The following FOXN3 variants were observed in gnomAD, a reference collection of about 807,000 sequenced individuals.
FOXN3 encodes the protein forkhead box protein N3.
In FOXN3, 7 loss-of-function variants were observed where a neutral mutation model predicts 38.4. That is an observed-to-expected ratio of 0.18 (90% CI 0.10 to 0.34). The LOEUF is 0.34. Among genes scored for constraint, FOXN3 ranks in the 10% least tolerant of loss-of-function variants. The pLI is 1.00. For missense variants in FOXN3, 456 were observed against 613.4 expected (o/e 0.74, Z 2.71); for synonymous variants, 230 against 242.2 (o/e 0.95, Z 0.47).
rs993824559 is a variant in FOXN3, at chr14:89,291,780, G to A, written c.681-10766C>T. On this transcript the variant is annotated intron_variant, in intron 3 of 5. Coordinates refer to ENST00000557258, the MANE Select transcript of FOXN3 (RefSeq NM_005197.4). The stretch of plus-strand genomic sequence containing the variant: ...TGTTTGCGAACTGCGATTGACCTAC[G>A]GCCGGATTTCTTAACCTCAGCATTA... Among the ~76,000 whole-genome samples, 9 of 152,246 alleles carry A rather than the reference G, an allele frequency of 5.9e-5. No individual in the cohort carries two copies. In the South Asian group the frequency reaches 1.5e-3, roughly 25 times the overall value.
At chr14:89,285,022 C>T (rs1886578076) in intron 3 of FOXN3, among the ~76,000 whole-genome samples, 1 of 152,160 alleles carries the variant, frequency 6.6e-6, no homozygotes, top group African/African-American at 2.4e-5. Flanking sequence ...AGCAAGATGA[C>T]GTGATCCATC....
chr14:89,615,610 T>C (rs1486847811), intron 1 of FOXN3, among the ~76,000 whole-genome samples: 2 of 152,202 alleles, frequency 1.3e-5, no homozygotes, highest in African/African-American at 4.8e-5. Flanking sequence ...TTCATTTCCT[T>C]CAGTTTGTAA....
chr14:89,565,093 CAAAAAAAAAAAAA>C (rs59821937), intron 1 of FOXN3, among the ~76,000 whole-genome samples: 10 of 52,898 alleles, frequency 1.9e-4, no homozygotes, highest in Admixed American at 6.8e-4. Context: ...GAGCTCGTCT[CAAAAAAAAAAAAA>C]AAAAAAAAAA....
At chr14:89,456,022 G>C (rs536421181) in intron 1 of FOXN3, among the ~76,000 whole-genome samples, 3 of 151,804 alleles carry the variant, frequency 2.0e-5, no homozygotes, top group African/African-American at 7.3e-5. Flanking sequence ...AGTGAAACCC[G>C]TGTCTACTAA....
chr14:89,165,639 T>C (rs1887221742), intron 5 of FOXN3, among the ~76,000 whole-genome samples: 1 of 152,210 alleles, frequency 6.6e-6, no homozygotes, highest in South Asian at 2.1e-4. Context: ...TGCATAAAGA[T>C]GGCTGGGATA....
At chr14:89,517,354 T>TAAAAA (rs57430361) in intron 1 of FOXN3, among the ~76,000 whole-genome samples, 23 of 129,480 alleles carry the variant, frequency 1.8e-4, no homozygotes, top group African/African-American at 5.6e-4. Context: ...GACCCTGTCT[T>TAAAAA]AAAAAAAAAA....
intron 1 of FOXN3, among the ~76,000 whole-genome samples, chr14:89,524,404 G>GAAAAAAAAAAAA (rs1894391517): frequency 3.9e-5 from 1 of 25,600 alleles, no homozygotes; most frequent in African/African-American, 1.8e-4. Context: ...AAAAAAAAAA[G>GAAAAAAAAAAAA]AAAGAAAGAA....
chr14:89,383,672 T>TG (rs1395773929), intron 2 of FOXN3, among the ~76,000 whole-genome samples: 10 of 151,696 alleles, frequency 6.6e-5, no homozygotes, highest in African/African-American at 2.4e-4. Context: ...ATCTGTTTCC[T>TG]TTCCTCTCCT....
At chr14:89,594,113 G>C (rs1236548917) in intron 1 of FOXN3, among the ~76,000 whole-genome samples, 1 of 152,190 alleles carries the variant, frequency 6.6e-6, no homozygotes, top group Non-Finnish European at 1.5e-5. Context: ...TTATACTCTT[G>C]ATGGACACTG....
intron 1 of FOXN3, among the ~76,000 whole-genome samples, chr14:89,445,813 G>A (rs1892480255): frequency 6.6e-6 from 1 of 152,028 alleles, no homozygotes; most frequent in African/African-American, 2.4e-5. Context: ...GAGCATGGTG[G>A]CTCACACCTA....
chr14:89,473,673 G>A (rs116759280), intron 1 of FOXN3, among the ~76,000 whole-genome samples: 2,944 of 152,198 alleles, frequency 0.019, 84 homozygotes, highest in African/African-American at 0.067. Flanking sequence ...TGGCCTCCAC[G>A]ACACTCTTGA....
chr14:89,162,625 C>T lies in FOXN3; in HGVS notation c.1196G>A (p.Arg399His), dbSNP rs375056131. 26 of 1,613,682 alleles carry T rather than the reference C, an allele frequency of 1.6e-5. No homozygotes were observed. Among genetic ancestry groups the T allele is most frequent in the African/African-American group, 2.7e-5 (2 of 74,786 alleles). ...DSGYASQHKK[R>H]QHFAKARKVP... Reference sequence around the variant, plus strand: ...CTTCCTGGCCTTGGCGAAGTGCTGGCGCTTCTTGTGCTGGGATGCGTACCC... The same window carrying T: ...CTTCCTGGCCTTGGCGAAGTGCTGGTGCTTCTTGTGCTGGGATGCGTACCC... Residue 399 changes from arginine to histidine, a missense_variant, in exon 6 of 6, where the codon CGC becomes CAC. Physicochemically the swap from Arg to His is conservative, Grantham distance 29. Around this residue, in one of 3 missense-constraint regions of FOXN3, gnomAD observed 386 missense variants for 505.2 expected, o/e 0.76. Coordinates refer to ENST00000557258, the MANE Select transcript of FOXN3 (RefSeq NM_005197.4). The surrounding 1 kb of genome is among the most constrained non-coding windows in gnomAD (Gnocchi z 7.2).
chr14:89,530,901 G>A (rs556552719), intron 1 of FOXN3, among the ~76,000 whole-genome samples: 16 of 148,374 alleles, frequency 1.1e-4, no homozygotes, highest in East Asian at 9.8e-4. Context: ...GAGCCACCAC[G>A]CCCGGCCTCT....
At chr14:89,573,609 AC>A (rs1895539009) in intron 1 of FOXN3, among the ~76,000 whole-genome samples, 1 of 152,176 alleles carries the variant, frequency 6.6e-6, no homozygotes, top group Non-Finnish European at 1.5e-5. Flanking sequence ...TGGGAGTCCA[AC>A]AGCAGTTTCT....
chr14:89,202,926 C>A (rs1232752502), intron 4 of FOXN3, among the ~76,000 whole-genome samples: 2 of 151,984 alleles, frequency 1.3e-5, no homozygotes, highest in African/African-American at 4.8e-5. Context: ...AACTTTGGAG[C>A]CTAAATCTCT....
intron 2 of FOXN3, among the ~76,000 whole-genome samples, chr14:89,363,512 AT>A (rs1471700565): frequency 3.6e-4 from 2 of 5,576 alleles, no homozygotes; most frequent in African/African-American, 9.9e-4. Context: ...GTGTTACTGG[AT>A]GGACAAACCA....
intron 1 of FOXN3, among the ~76,000 whole-genome samples, chr14:89,546,142 G>A (rs1156617181): frequency 1.3e-5 from 2 of 152,106 alleles, no homozygotes; most frequent in Non-Finnish European, 2.9e-5. Context: ...GATGTAGAAA[G>A]AAGAACCTAT....
chr14:89,509,506 T>A (rs2139803905), intron 1 of FOXN3, among the ~76,000 whole-genome samples: 1 of 152,292 alleles, frequency 6.6e-6, no homozygotes, highest in African/African-American at 2.4e-5. Flanking sequence ...GGCTTATTTT[T>A]ATATTTTTTG....
intron 1 of FOXN3, among the ~76,000 whole-genome samples, chr14:89,432,435 A>G (rs1892178781): frequency 1.3e-5 from 2 of 152,216 alleles, no homozygotes; most frequent in African/African-American, 2.4e-5. Flanking sequence ...ATTATAAAAC[A>G]TGCATAACAA....
Sources: gnomAD v4.1 joint callset for allele counts (sites outside exome capture counted in the v4.1 genomes callset) on GRCh38, gnomAD v4.1.1 for gene constraint, gnomAD v4.1.1 regional missense constraint, Gnocchi (gnomAD v3.1) non-coding constraint, MANE v1.5 for transcripts, NCBI Gene and HGNC (gene_info 2026-07-23, HGNC 2026-07-21) for gene names.